APOLD1: variants seen among roughly 807,000 people sequenced by gnomAD.
APOLD1 encodes the protein apolipoprotein L domain containing 1.
Under a neutral mutation model 15.3 loss-of-function variants are expected in APOLD1, and 22 were observed. The observed-to-expected ratio is 1.44, with a 90% CI of 1.03 to 2.05. APOLD1 has a LOEUF of 2.05. APOLD1 is among the 30% of genes most tolerant of loss of function. The pLI is 0.00. For missense variants in APOLD1, 394 were observed against 353.5 expected (o/e 1.11, Z -0.92); for synonymous variants, 190 against 167.4 (o/e 1.13, Z -1.04).
At chr12:12,764,820 T>C in intron 1 of APOLD1, 1 of 355,310 alleles carries the variant, frequency 2.8e-6, no homozygotes, top group Admixed American at 2.7e-5. Flanking sequence ...GGCCACAGCA[T>C]GGTATGGGGA....
chr12:12,746,879 T>C, intron 1 of APOLD1, among the ~76,000 whole-genome samples: 1 of 152,184 alleles, frequency 6.6e-6, no homozygotes. Flanking sequence ...CGCTTATAAG[T>C]GAGAATATGT....
At chr12:12,747,260 A>G (rs1242447209) in intron 1 of APOLD1, among the ~76,000 whole-genome samples, 1 of 152,152 alleles carries the variant, frequency 6.6e-6, no homozygotes, top group African/African-American at 2.4e-5. Flanking sequence ...TACTGTGTGA[A>G]CTACCGTGTC....
chr12:12,787,153 C>T lies in APOLD1; in HGVS notation c.248C>T (p.Thr83Ile), dbSNP rs1947136477. The change falls in exon 2 of 2, where the codon ACC becomes ATC. Residue 83 changes from threonine (T) to isoleucine (I), a missense_variant. Transcript: ENST00000356591. The surrounding 1 kb of genome is among the most constrained non-coding windows in gnomAD (Gnocchi z 4.9). ...TCGCTCAGCCCGGTCACCCTGGGGA[C>T]CTCGCTGCTGGTGTCGGCCGTGGGG... ...GLSLSPVTLG[T>I]SLLVSAVGLG... 1 of 1,514,544 alleles carries T rather than the reference C, an allele frequency of 6.6e-7. No individual in the cohort carries two copies. The highest frequency in any genetic ancestry group is 8.8e-7 in the Non-Finnish European group (1 of 1,142,292). The allele number at this position is 1,514,544 out of a possible 1,614,324, so 93.8% of individuals were successfully genotyped here. A position where few individuals can be genotyped will look rare whatever the true frequency, so the allele number is the denominator to read the frequency against.
chr12:12,750,634 G>A (rs1225377607), intron 1 of APOLD1, among the ~76,000 whole-genome samples: 4 of 151,566 alleles, frequency 2.6e-5, no homozygotes, highest in South Asian at 2.1e-4. Flanking sequence ...TTTTTTTTGC[G>A]CATATTATTG....
At chr12:12,773,809 C>T (rs1484961495) in intron 1 of APOLD1, among the ~76,000 whole-genome samples, 1 of 152,132 alleles carries the variant, frequency 6.6e-6, no homozygotes, top group Non-Finnish European at 1.5e-5. Context: ...GACAATTGAC[C>T]TTTGACAAAG....
chr12:12,787,531 G>T lies in APOLD1; in HGVS notation c.626G>T (p.Cys209Phe). Residue 209 changes from cysteine (C) to phenylalanine (F), a missense_variant, in exon 2 of 2, where the codon TGC becomes TTC. Physicochemically the swap from Cys to Phe is radical, Grantham distance 205. Transcript: ENST00000356591. The surrounding 1 kb of genome is among the most constrained non-coding windows in gnomAD (Gnocchi z 4.9). ...IQKLAESLESCTGALDELSEQ... is the reference protein window; with the variant it reads ...IQKLAESLESFTGALDELSEQ... The stretch of plus-strand genomic sequence containing the variant: ...AAACTGGCCGAGAGCCTGGAGTCCT[G>T]CACCGGGGCTCTGGACGAACTCAGC... 2 of 1,613,952 alleles carry T rather than the reference G, an allele frequency of 1.2e-6. No homozygotes were observed. Among genetic ancestry groups the T allele is most frequent in the Middle Eastern group, 1.6e-4 (1 of 6,062 alleles).
chr12:12,757,576 G>A (rs998246394), intron 1 of APOLD1, among the ~76,000 whole-genome samples: 2 of 152,042 alleles, frequency 1.3e-5, no homozygotes, highest in South Asian at 2.1e-4. Flanking sequence ...GAACTAGAAC[G>A]TTGTCAGCCA....
chr12:12,781,701 G>A (rs1947082779), upstream of APOLD1, among the ~76,000 whole-genome samples: 1 of 150,946 alleles, frequency 6.6e-6, no homozygotes, highest in South Asian at 2.1e-4. Context: ...CTAATTTTTT[G>A]TATTTTTGGT....
intron 1 of APOLD1, among the ~76,000 whole-genome samples, chr12:12,727,991 A>T (rs1462735448): frequency 6.6e-6 from 1 of 150,778 alleles, no homozygotes. Context: ...TTTTAAAGAC[A>T]GGTCTCACTC....
intron 1 of APOLD1, among the ~76,000 whole-genome samples, chr12:12,748,431 G>C (rs552270268): frequency 6.6e-6 from 1 of 152,286 alleles, no homozygotes; most frequent in African/African-American, 2.4e-5. Context: ...TGGTTGCTTA[G>C]ATTTTCTCTT....
At position 12,789,516 on chromosome 12, in the gene APOLD1, G is replaced by C. The variant is rs1256314763; in HGVS notation, c.*1864G>C. On this transcript the variant is annotated 3_prime_UTR_variant, in exon 2 of 2. Transcript: ENST00000356591. Reference sequence around the variant, plus strand: ...CTATTTAGTTCAGGAAAGATAAAAAGTTTAGAGGTATGTGAAGGAAGCACT... The same window carrying C: ...CTATTTAGTTCAGGAAAGATAAAAACTTTAGAGGTATGTGAAGGAAGCACT... 1 of 152,212 alleles carries C rather than the reference G, an allele frequency of 6.6e-6. No individual in the cohort carries two copies. Among genetic ancestry groups the C allele is most frequent in the Non-Finnish European group, 1.5e-5 (1 of 68,034 alleles). The allele number at this position is 152,212 out of a possible 1,614,324, so 9.4% of individuals were successfully genotyped here.
At chr12:12,738,037 A>G (rs1946703038) in intron 1 of APOLD1, among the ~76,000 whole-genome samples, 1 of 152,128 alleles carries the variant, frequency 6.6e-6, no homozygotes, top group South Asian at 2.1e-4. Flanking sequence ...ATGTCTTTCT[A>G]TGAGAAAAAC....
At chr12:12,726,133 G>A (rs1946590604) in intron 1 of APOLD1, 4 of 750,284 alleles carry the variant, frequency 5.3e-6, no homozygotes, top group African/African-American at 5.5e-5. Flanking sequence ...GAGGTGGCCC[G>A]GAAAAGAACA....
In APOLD1 at chr12:12,761,836, G is replaced by GT. The variant is rs1592300871; in HGVS notation, c.97-25073_97-25072insT. ...ATACATATATGTATATGTATAGAGAGAGAGAGAGAGAGAGAGAGAGAGAGA... is the reference window on the plus strand; with the variant it reads ...ATACATATATGTATATGTATAGAGAGTAGAGAGAGAGAGAGAGAGAGAGAGA... On this transcript the variant is annotated intron_variant, in intron 1 of 1. Transcript: ENST00000326765. Among the ~76,000 whole-genome samples, 474 of 127,614 alleles carry GT rather than the reference G, an allele frequency of 3.7e-3. 13 individuals carry two copies. Among genetic ancestry groups the GT allele is most frequent in the South Asian group, 0.016 (57 of 3,646 alleles). The allele number at this position is 127,614 out of a possible 152,430, so 83.7% of individuals were successfully genotyped here. A position where few individuals can be genotyped will look rare whatever the true frequency, so the allele number is the denominator to read the frequency against.
intron 1 of APOLD1, among the ~76,000 whole-genome samples, chr12:12,759,317 G>A (rs1449457354): frequency 2.0e-5 from 3 of 151,942 alleles, no homozygotes; most frequent in Admixed American, 6.6e-5. Context: ...TCATTCTATC[G>A]TAATTATTAT....
At position 12,787,204 on chromosome 12, in the gene APOLD1, C is replaced by A. The variant is rs756856739; in HGVS notation, c.299C>A (p.Ala100Asp). The change falls in exon 2 of 2, where the codon GCC becomes GAC. Residue 100 changes from alanine (A) to aspartate (D), a missense_variant. Physicochemically the swap from Ala to Asp is moderately radical, Grantham distance 126. Transcript: ENST00000356591. This position sits in a 1 kb window ranked among gnomAD's most constrained non-coding sequence, Gnocchi z 4.9. ...VGLGVATAGGAVTITSDLSLI... is the reference protein window; with the variant it reads ...VGLGVATAGGDVTITSDLSLI... ...CTGGGGGTGGCCACAGCCGGAGGGG[C>A]CGTCACCATCACGTCCGATCTCTCG... is the stretch of plus-strand genomic sequence containing the variant. 2.3e-5 allele frequency: 36 copies of A among 1,551,932 alleles called. No homozygotes were observed. Among genetic ancestry groups the A allele is most frequent in the Non-Finnish European group, 2.9e-5 (34 of 1,157,040 alleles).
upstream of APOLD1, among the ~76,000 whole-genome samples, chr12:12,781,748 C>T (rs992119256): frequency 6.6e-5 from 10 of 151,036 alleles, no homozygotes; most frequent in South Asian, 4.2e-4. Context: ...AGAATGGTCT[C>T]GACCTCCTGA....
chr12:12,729,104 C>G (rs1946617018), intron 1 of APOLD1, among the ~76,000 whole-genome samples: 2 of 152,066 alleles, frequency 1.3e-5, no homozygotes, highest in African/African-American at 4.8e-5. Context: ...GGGCCGAGTC[C>G]TCCACATCTC....
At chr12:12,767,187 A>C (rs1393917734) in intron 1 of APOLD1, among the ~76,000 whole-genome samples, 1 of 152,206 alleles carries the variant, frequency 6.6e-6, no homozygotes, top group African/African-American at 2.4e-5. Context: ...TGGAGGTTGC[A>C]GTGTGCCAAG....
Sources: allele counts gnomAD v4.1 joint callset (sites outside exome capture counted in the v4.1 genomes callset), GRCh38; gene constraint gnomAD v4.1.1; non-coding constraint Gnocchi (gnomAD v3.1); transcripts MANE v1.5; gene names NCBI Gene and HGNC (gene_info 2026-07-23, HGNC 2026-07-21).